The following SNX6 variants were observed in gnomAD, a reference collection of about 807,000 sequenced individuals.
The protein encoded by SNX6 is sorting nexin 6.
In SNX6, 34 loss-of-function variants were observed where a neutral mutation model predicts 63.0. The observed-to-expected ratio is 0.54, with a 90% CI of 0.41 to 0.72. The LOEUF (loss-of-function observed/expected upper bound fraction) is 0.72. SNX6 is among the 30% of genes least tolerant of loss of function. The probability of loss-of-function intolerance (pLI) is 0.00; values close to 1 mark genes in which losing one functional copy is unlikely to be tolerated. For synonymous variants in SNX6, 170 were observed against 164.2 expected (o/e 1.04, Z -0.27); for missense variants, 398 against 471.4 (o/e 0.84, Z 1.44).
intron 6 of SNX6, among the ~76,000 whole-genome samples, chr14:34,600,974 T>C (rs1425761332): frequency 2.0e-5 from 3 of 150,140 alleles, no homozygotes; most frequent in African/African-American, 7.4e-5. Flanking sequence ...GTCGATACAG[T>C]GCCATTGCAC....
At chr14:34,566,411 C>T (rs975659386) in intron 13 of SNX6, among the ~76,000 whole-genome samples, 6 of 152,142 alleles carry the variant, frequency 3.9e-5, no homozygotes, top group Non-Finnish European at 8.8e-5. Context: ...TGAGGTTTCA[C>T]CATGTTGGCC....
At chr14:34,622,061 C>A (rs1214774766) in intron 2 of SNX6, among the ~76,000 whole-genome samples, 6 of 146,586 alleles carry the variant, frequency 4.1e-5, no homozygotes, top group Admixed American at 3.5e-4. Context: ...TGGGTTCAAG[C>A]GATTCTCCTG....
chr14:34,564,442 G>A lies in SNX6; in HGVS notation c.1168-1267C>T, dbSNP rs116411726. Among the ~76,000 whole-genome samples the A allele has an allele frequency of 5.8e-3, 879 of 152,248 alleles. 10 individuals carry two copies. The highest frequency in any genetic ancestry group is 0.02 in the African/African-American group (842 of 41,546). ...CAGATATTGCAAAATGTCCTCTGGG[G>A]GGCAGAATCACCTCTGGTTGAGTAC... On this transcript the variant is annotated intron_variant, in intron 13 of 13. Transcript: ENST00000362031.
In SNX6 at chr14:34,568,847, G is replaced by A. The variant is rs187701543; in HGVS notation, c.922-834C>T. On this transcript the variant is annotated intron_variant, in intron 11 of 13. Coordinates refer to ENST00000362031, the MANE Select transcript of SNX6 (RefSeq NM_152233.4). ...CGGTGGGCCACATTCTTGGAGCCTC[G>A]GCTAAAGTGGCCAGGCATGCCGCCA... 4.5e-3 allele frequency: 4,777 copies of A among 1,072,318 alleles called. 19 individuals are homozygous for A. The highest frequency in any genetic ancestry group is 5.6e-3 in the Non-Finnish European group (3,891 of 692,486). The allele number at this position is 1,072,318 out of a possible 1,614,324, so 66.4% of individuals were successfully genotyped here. A position where few individuals can be genotyped will look rare whatever the true frequency, so the allele number is the denominator to read the frequency against.
chr14:34,594,287 T>C (rs1186071320), intron 7 of SNX6, among the ~76,000 whole-genome samples: 2 of 151,238 alleles, frequency 1.3e-5, no homozygotes, highest in African/African-American at 4.9e-5. Context: ...AGCAACAATG[T>C]GATTAACCAC....
intron 2 of SNX6, among the ~76,000 whole-genome samples, chr14:34,622,569 C>CA (rs35554563): frequency 0.079 from 7,891 of 99,520 alleles, 484 homozygotes; most frequent in African/African-American, 0.19. Context: ...GGCAATAGAG[C>CA]AAAAAAAAAA....
chr14:34,592,512 C>G (rs762405135), intron 8 of SNX6, among the ~76,000 whole-genome samples: 1 of 152,138 alleles, frequency 6.6e-6, no homozygotes. Flanking sequence ...GTGTAAATGT[C>G]AACATGGTGA....
intron 8 of SNX6, among the ~76,000 whole-genome samples, chr14:34,591,884 C>T (rs1882407514): frequency 6.6e-6 from 1 of 152,058 alleles, no homozygotes; most frequent in South Asian, 2.1e-4. Flanking sequence ...AAGTAGTGTT[C>T]TACGAAAAAA....
intron 6 of SNX6, 62 bp downstream of exon 6, chr14:34,603,285 CA>C (rs887998953): frequency 0.035 from 37,660 of 1,087,386 alleles, no homozygotes; most frequent in South Asian, 0.055. Flanking sequence ...GATTCCGTCT[CA>C]AAAAAAAAAA....
intron 2 of SNX6, among the ~76,000 whole-genome samples, chr14:34,614,218 G>C (rs1044579348): frequency 2.0e-5 from 3 of 152,034 alleles, no homozygotes; most frequent in Non-Finnish European, 2.9e-5. Flanking sequence ...CTTGAGCTCA[G>C]GAGTTCAAGA....
intron 10 of SNX6, among the ~76,000 whole-genome samples, chr14:34,579,649 A>G (rs1881857942): frequency 6.6e-6 from 1 of 152,160 alleles, no homozygotes; most frequent in South Asian, 2.1e-4. Flanking sequence ...GTGCAACAAC[A>G]TGGTTTAATC....
intron 2 of SNX6, among the ~76,000 whole-genome samples, chr14:34,620,538 A>AT (rs988955746): frequency 6.6e-6 from 1 of 151,994 alleles, no homozygotes; most frequent in Non-Finnish European, 1.5e-5. Context: ...AACCAATGAT[A>AT]TTTTTCAGTC....
At chr14:34,564,657 A>C (rs975821699) in intron 13 of SNX6, among the ~76,000 whole-genome samples, 3 of 151,858 alleles carry the variant, frequency 2.0e-5, no homozygotes, top group Non-Finnish European at 2.9e-5. Flanking sequence ...GTGAAACCCT[A>C]TCTCTACTAA....
chr14:34,563,341 G>T (rs542452588), intron 13 of SNX6, among the ~76,000 whole-genome samples, 166 bp from the exon 14 acceptor site: 1 of 151,974 alleles, frequency 6.6e-6, no homozygotes, highest in African/African-American at 2.4e-5. Context: ...GGTGGATCAC[G>T]AGGTCAGGAG....
At chr14:34,568,079 CACT>C in intron 11 of SNX6, 66 bp from the exon 12 acceptor site, 4 of 1,313,152 alleles carry the variant, frequency 3.0e-6, no homozygotes, top group Non-Finnish European at 3.2e-6. Flanking sequence ...ACCCAGCCAC[CACT>C]GTCACCACCA....
chr14:34,597,682 A>G (rs1323093354), intron 6 of SNX6, 37 bp from the exon 7 acceptor site: 45 of 1,235,568 alleles, frequency 3.6e-5, no homozygotes, highest in Non-Finnish European at 5.1e-5. Context: ...TAAGGTTACA[A>G]ATGGAAAGCA....
intron 13 of SNX6, among the ~76,000 whole-genome samples, chr14:34,564,305 G>T (rs1194425349): frequency 6.6e-6 from 1 of 152,150 alleles, no homozygotes; most frequent in African/African-American, 2.4e-5. Context: ...TGGGATTACA[G>T]GGGTGAGCCA....
Position 34,611,867 on chromosome 14 carries a change from C to T in SNX6, c.55-2125G>A, listed in dbSNP as rs547882748. On this transcript the variant is annotated intron_variant, in intron 2 of 13. Transcript: ENST00000362031. ...AATCTCGGCTCACTGCAAGCTCCGCCTCCCGGGTTCACGCCATTCTCCTGC... is the reference window on the plus strand; with the variant it reads ...AATCTCGGCTCACTGCAAGCTCCGCTTCCCGGGTTCACGCCATTCTCCTGC... Among the ~76,000 whole-genome samples the T allele has an allele frequency of 9.9e-5, 15 of 152,106 alleles. No individual in the cohort carries two copies. The East Asian group carries it at 1.6e-3, about 16-fold the overall frequency.
chr14:34,599,800 C>T lies in SNX6; in HGVS notation c.517-2155G>A, dbSNP rs190187251. On this transcript the variant is annotated intron_variant, in intron 6 of 13. Transcript: ENST00000362031. ...AAAAAAAAAAAAAAAAATCTGATCT[C>T]CAAAATTTCTGTCTTCCCTCTTTTG... 5.3e-5 allele frequency among the ~76,000 whole-genome samples: 8 copies of T among 151,064 alleles called. No homozygotes were observed. The East Asian group carries it at 1.6e-3, about 29-fold the overall frequency.
Sources: allele counts gnomAD v4.1 joint callset (sites outside exome capture counted in the v4.1 genomes callset), GRCh38; gene constraint gnomAD v4.1.1; transcripts MANE v1.5; gene names NCBI Gene and HGNC (gene_info 2026-07-23, HGNC 2026-07-21).